The following CSMD1 variants were observed in gnomAD, a reference collection of about 807,000 sequenced individuals.
CSMD1 encodes CUB and Sushi multiple domains 1.
Under a neutral mutation model 417.5 loss-of-function variants are expected in CSMD1, and 213 were observed. The observed-to-expected ratio is 0.51, with a 90% CI of 0.46 to 0.57. The LOEUF (loss-of-function observed/expected upper bound fraction) is 0.57. Ranked by LOEUF, CSMD1 falls within the 20% of genes least tolerant of loss-of-function variation. The pLI, the probability that CSMD1 is intolerant of heterozygous loss-of-function variation, is 0.00. For synonymous variants in CSMD1, 2,862 were observed against 1,736.8 expected, an observed-to-expected ratio of 1.65 and a Z score of -16.11; for missense variants, 6,923 against 4,529.7, an observed-to-expected ratio of 1.53 and a Z score of -15.17.
At chr8:4,467,494 T>C (rs1314150054) in intron 2 of CSMD1, among the ~76,000 whole-genome samples, 2 of 152,226 alleles carry the variant, frequency 1.3e-5, no homozygotes, top group Non-Finnish European at 2.9e-5. Context: ...GGCCAGAGGA[T>C]AGAGTTCTGA....
At chr8:4,247,752 T>G (rs1166044509) in intron 3 of CSMD1, among the ~76,000 whole-genome samples, 1 of 152,160 alleles carries the variant, frequency 6.6e-6, no homozygotes, top group African/African-American at 2.4e-5. Flanking sequence ...AACTGCTGAT[T>G]TGGAAGCCTA....
chr8:3,648,950 G>A (rs542737884), intron 7 of CSMD1, among the ~76,000 whole-genome samples: 13 of 152,058 alleles, frequency 8.5e-5, no homozygotes, highest in African/African-American at 2.2e-4. Context: ...AACAGAACCC[G>A]TAATGTACCC....
intron 3 of CSMD1, among the ~76,000 whole-genome samples, chr8:4,260,879 G>GAA (rs1803832679): frequency 6.6e-6 from 1 of 152,072 alleles, no homozygotes; most frequent in South Asian, 2.1e-4. Flanking sequence ...CTTAATCTTT[G>GAA]TCGTGTTTGA....
At chr8:4,815,328 A>T (rs534412561) in intron 1 of CSMD1, among the ~76,000 whole-genome samples, 195 of 152,314 alleles carry the variant, frequency 1.3e-3, no homozygotes, top group Non-Finnish European at 2.0e-3. Flanking sequence ...GGCAAAAGGT[A>T]TGACATCACA....
chr8:4,433,644 G>A (rs1175645722), intron 2 of CSMD1, among the ~76,000 whole-genome samples: 1 of 152,140 alleles, frequency 6.6e-6, no homozygotes, highest in Non-Finnish European at 1.5e-5. Flanking sequence ...GCTCAAATCT[G>A]CCCTTGTCTG....
intron 11 of CSMD1, among the ~76,000 whole-genome samples, chr8:3,474,605 TG>T (rs1489389181): frequency 3.9e-5 from 6 of 152,226 alleles, no homozygotes; most frequent in Admixed American, 3.9e-4. Context: ...TCTTGCTTTT[TG>T]TGAGCAGAAA....
At chr8:4,411,056 A>G (rs1796626073) in intron 3 of CSMD1, among the ~76,000 whole-genome samples, 1 of 151,738 alleles carries the variant, frequency 6.6e-6, no homozygotes, top group South Asian at 2.1e-4. Context: ...ATGTGATACC[A>G]CTCCACCCGT....
At chr8:2,987,570 C>T (rs188190171) in intron 54 of CSMD1, among the ~76,000 whole-genome samples, 8 of 152,208 alleles carry the variant, frequency 5.3e-5, no homozygotes, top group South Asian at 4.1e-4. Flanking sequence ...TACTTCTCTT[C>T]GGATATAACT....
chr8:3,940,122 TAA>T (rs1810775326), intron 5 of CSMD1, among the ~76,000 whole-genome samples: 1 of 152,136 alleles, frequency 6.6e-6, no homozygotes, highest in Non-Finnish European at 1.5e-5. Context: ...TTTTATAAAG[TAA>T]ATAGTACTAC....
intron 56 of CSMD1, among the ~76,000 whole-genome samples, chr8:2,973,842 ATGGTAGAGGATGATGGTAGAGGATGG>A (rs1563196326): frequency 8.7e-4 from 131 of 150,914 alleles, no homozygotes; most frequent in African/African-American, 2.8e-3. Context: ...GTAGAGGATG[ATGGTAGAGGATGATGGTAGAGGATGG>A]TGGTAGAGGA....
intron 25 of CSMD1, among the ~76,000 whole-genome samples, chr8:3,290,522 C>G (rs1316333030): frequency 6.9e-6 from 1 of 144,600 alleles, no homozygotes; most frequent in Non-Finnish European, 1.5e-5. Context: ...TTGTAGTTCT[C>G]CTTGAAGAGG....
intron 1 of CSMD1, among the ~76,000 whole-genome samples, chr8:4,837,583 G>T (rs186383777): frequency 6.6e-6 from 1 of 152,122 alleles, no homozygotes; most frequent in Non-Finnish European, 1.5e-5. Flanking sequence ...TGAACATAGA[G>T]AATACAAGGA....
At chr8:3,497,652 T>A (rs1337297725) in intron 10 of CSMD1, among the ~76,000 whole-genome samples, 1 of 152,240 alleles carries the variant, frequency 6.6e-6, no homozygotes, top group Admixed American at 6.5e-5. Context: ...GCATGGACTA[T>A]CTCTTGTAAT....
At chr8:4,560,907 G>T (rs868271976) in intron 2 of CSMD1, among the ~76,000 whole-genome samples, 1 of 152,122 alleles carries the variant, frequency 6.6e-6, no homozygotes, top group Non-Finnish European at 1.5e-5. Context: ...ACTCAAACAG[G>T]TTCACTTATC....
chr8:4,119,867 G>T (rs372636758), intron 3 of CSMD1, among the ~76,000 whole-genome samples: 2 of 152,338 alleles, frequency 1.3e-5, no homozygotes, highest in South Asian at 2.1e-4. Flanking sequence ...ACATCTGAAA[G>T]GGTTCGACAA....
chr8:3,682,179 A>T (rs1488977463), intron 7 of CSMD1, among the ~76,000 whole-genome samples: 3 of 152,212 alleles, frequency 2.0e-5, no homozygotes. Flanking sequence ...ACAAAAGCCA[A>T]AATTGACAAA....
At chr8:4,936,639 T>C (rs1563811261) in intron 1 of CSMD1, among the ~76,000 whole-genome samples, 2 of 152,208 alleles carry the variant, frequency 1.3e-5, no homozygotes, top group Non-Finnish European at 2.9e-5. Flanking sequence ...GGATGCATTT[T>C]AATTCAAGAG....
chr8:3,268,490 C>T (rs571308842), intron 26 of CSMD1, among the ~76,000 whole-genome samples: 5 of 151,710 alleles, frequency 3.3e-5, no homozygotes, highest in East Asian at 1.9e-4. Context: ...AGGGTTTCAC[C>T]GTGTTAGCCA....
At chr8:4,520,517 T>A (rs1269953189) in intron 2 of CSMD1, among the ~76,000 whole-genome samples, 2 of 152,052 alleles carry the variant, frequency 1.3e-5, no homozygotes, top group East Asian at 3.9e-4. Context: ...GAGAAAGACA[T>A]CCCGATAGGT....
Sources: allele counts gnomAD v4.1 joint callset (sites outside exome capture counted in the v4.1 genomes callset), GRCh38; gene constraint gnomAD v4.1.1; transcripts MANE v1.5; gene names NCBI Gene and HGNC (gene_info 2026-07-23, HGNC 2026-07-21).